Variants in WNK2 observed in about 807,000 individuals in gnomAD.
WNK2 encodes serine/threonine-protein kinase WNK2.
A neutral mutation model predicts 192.1 loss-of-function variants in WNK2; 67 were observed. That is an observed-to-expected ratio of 0.35 (90% CI 0.29 to 0.43). The LOEUF (loss-of-function observed/expected upper bound fraction) is 0.43, where lower values mean the gene tolerates loss of function less well. Ranked by LOEUF, WNK2 falls within the 20% of genes least tolerant of loss-of-function variation. The pLI is 1.00. For missense variants in WNK2, 2,698 were observed against 3,089.7 expected, an observed-to-expected ratio of 0.87 and a Z score of 3.01; for synonymous variants, 1,439 against 1,393.9, an observed-to-expected ratio of 1.03 and a Z score of -0.72.
rs528188646 is a variant in WNK2, at chr9:93,320,127, CTGTT to C, written c.6629-237_6629-234del. Among the ~76,000 whole-genome samples, 7 of 152,346 alleles carry C rather than the reference CTGTT, an allele frequency of 4.6e-5. No individual in the cohort carries two copies. The South Asian group carries it at 1.4e-3, about 32-fold the overall frequency. On this transcript the variant is annotated intron_variant, in intron 29 of 29. Coordinates refer to ENST00000427277, the MANE Select transcript of WNK2 (RefSeq NM_006648.4). The stretch of plus-strand genomic sequence containing the variant: ...TCCAGACGGTACAGGAGCAGAGCGT[CTGTT>C]TGGGTTTCTGGCAGCCGTTCAGTGT...
intron 2 of WNK2, among the ~76,000 whole-genome samples, chr9:93,195,699 CAAA>C (rs59357990): frequency 1.7e-4 from 7 of 41,670 alleles, no homozygotes; most frequent in African/African-American, 7.0e-4. Flanking sequence ...GACTTTGTCT[CAAA>C]AAAAAAAAAA....
In WNK2 at chr9:93,212,569, AGCCACAGTCAGGCT is replaced by A. The variant is rs1349659973; in HGVS notation, c.682-17123_682-17110del. 2.0e-5 allele frequency among the ~76,000 whole-genome samples: 3 copies of A among 152,200 alleles called. No individual in the cohort carries two copies. In the East Asian group the frequency reaches 5.8e-4, roughly 29 times the overall value. On this transcript the variant is annotated intron_variant, in intron 2 of 29. Transcript: ENST00000427277. Reference sequence around the variant, plus strand: ...TGGTCGGGGCACATGATGGGGAGGCAGCCACAGTCAGGCTGCCGAGGTTCAAGGTCCGGCCGGCC... The same window carrying A: ...TGGTCGGGGCACATGATGGGGAGGCAGCCGAGGTTCAAGGTCCGGCCGGCC...
At chr9:93,192,658 G>A (rs1442186773) in intron 2 of WNK2, among the ~76,000 whole-genome samples, 1 of 152,216 alleles carries the variant, frequency 6.6e-6, no homozygotes, top group Non-Finnish European at 1.5e-5. Flanking sequence ...CAGGATGCCA[G>A]AACTGTTTCA....
chr9:93,300,279 T>A, intron 26 of WNK2, 130 bp downstream of exon 26: 1 of 738,812 alleles, frequency 1.4e-6, no homozygotes, highest in Non-Finnish European at 2.2e-6. Flanking sequence ...GTCACCTATT[T>A]AATATCAAAG....
At chr9:93,231,321 A>G (rs1936402) in intron 4 of WNK2, among the ~76,000 whole-genome samples, 151,724 of 152,378 alleles carry the variant, frequency 1, 75,539 homozygotes, top group East Asian at 1. Context: ...GGATTCCCAG[A>G]CCACTTGGGC....
At chr9:93,298,088 C>T in intron 24 of WNK2, 21 bp downstream of exon 24, 1 of 1,547,474 alleles carries the variant, frequency 6.5e-7, no homozygotes, top group Non-Finnish European at 8.7e-7. Context: ...GGGTGCAGGG[C>T]TGGGATGGGA....
At chr9:93,290,097 C>T in intron 21 of WNK2, 50 bp downstream of exon 21, 1 of 1,521,964 alleles carries the variant, frequency 6.6e-7, no homozygotes, top group Non-Finnish European at 8.9e-7. Context: ...GCCTGGCTTC[C>T]TTGCCCCAGA....
intron 2 of WNK2, among the ~76,000 whole-genome samples, chr9:93,224,101 C>A (rs978457844): frequency 6.6e-6 from 1 of 152,156 alleles, no homozygotes; most frequent in Non-Finnish European, 1.5e-5. Context: ...TACGGCCCCA[C>A]GGAACTGGAG....
intron 19 of WNK2, among the ~76,000 whole-genome samples, chr9:93,285,722 CAAAAACCAGT>C (rs1848352073): frequency 6.6e-6 from 1 of 152,114 alleles, no homozygotes; most frequent in South Asian, 2.1e-4. Context: ...TACAGAAATG[CAAAAACCAGT>C]AAAAACCAAG....
chr9:93,214,697 G>GCCCCCCCCC (rs371026822), intron 2 of WNK2, among the ~76,000 whole-genome samples: 14 of 80,222 alleles, frequency 1.7e-4, no homozygotes, highest in Admixed American at 3.2e-4. Context: ...TGAAGGTAGT[G>GCCCCCCCCC]CCCCCCCCCC....
chr9:93,295,770 AT>A (rs1850189549), intron 23 of WNK2, among the ~76,000 whole-genome samples: 1 of 69,618 alleles, frequency 1.4e-5, no homozygotes, highest in African/African-American at 5.8e-5. Flanking sequence ...TCCCCTCTCC[AT>A]CCTCCCTTCA....
intron 3 of WNK2, 47 bp from the exon 4 acceptor site, chr9:93,230,841 C>G (rs41278248): frequency 0.019 from 29,065 of 1,563,034 alleles, 346 homozygotes; most frequent in Middle Eastern, 0.03. Context: ...GCTAGGGGGC[C>G]GCTGCCGGCG....
chr9:93,232,401 C>G (rs1287414451), intron 4 of WNK2, among the ~76,000 whole-genome samples: 3 of 152,178 alleles, frequency 2.0e-5, no homozygotes, highest in Non-Finnish European at 4.4e-5. Context: ...TCCACTCCCT[C>G]CTGGAGGGGC....
intron 2 of WNK2, among the ~76,000 whole-genome samples, chr9:93,205,352 G>A (rs890619261): frequency 2.0e-5 from 3 of 152,208 alleles, no homozygotes; most frequent in African/African-American, 7.2e-5. Context: ...GGCAGCCTAT[G>A]TGCAGGTGGG....
At chr9:93,310,448 AATATAT>A (rs886318507) in intron 28 of WNK2, among the ~76,000 whole-genome samples, 5 of 150,842 alleles carry the variant, frequency 3.3e-5, no homozygotes, top group African/African-American at 2.4e-5. Flanking sequence ...ATGGCAAAAA[AATATAT>A]ATATATATAT....
intron 9 of WNK2, among the ~76,000 whole-genome samples, chr9:93,253,541 A>G (rs1842879355): frequency 6.6e-6 from 1 of 152,108 alleles, no homozygotes; most frequent in African/African-American, 2.4e-5. Context: ...GAAAAGCATC[A>G]TTTGTACGAA....
intron 8 of WNK2, among the ~76,000 whole-genome samples, chr9:93,249,907 A>ATTTTTT (rs58293954): frequency 0.023 from 1,976 of 85,408 alleles, 287 homozygotes; most frequent in South Asian, 0.065. Flanking sequence ...GATGCTACCA[A>ATTTTTT]TTTTTTTTTT....
chr9:93,252,791 T>C, intron 8 of WNK2, 92 bp from the exon 9 acceptor site: 1 of 1,197,186 alleles, frequency 8.4e-7, no homozygotes, highest in Non-Finnish European at 1.1e-6. Flanking sequence ...AACAAGCCTT[T>C]ATTTTGCAGA....
intron 13 of WNK2, 133 bp downstream of exon 13, chr9:93,262,240 T>C: frequency 9.1e-7 from 1 of 1,094,400 alleles, no homozygotes; most frequent in South Asian, 1.7e-5. Context: ...GGTTCTGTTC[T>C]CACCTCTCCC....
Sources: gnomAD v4.1 joint callset for allele counts (sites outside exome capture counted in the v4.1 genomes callset) on GRCh38, gnomAD v4.1.1 for gene constraint, MANE v1.5 for transcripts, NCBI Gene and HGNC (gene_info 2026-07-23, HGNC 2026-07-21) for gene names.